SYNE2: variants seen among roughly 807,000 people sequenced by gnomAD.
SYNE2 encodes nesprin-2.
In SYNE2, 431 loss-of-function variants were observed where a neutral mutation model predicts 856.3. That is an observed-to-expected ratio of 0.50 (90% CI 0.47 to 0.55). The LOEUF (loss-of-function observed/expected upper bound fraction) is 0.55. Among genes scored for constraint, SYNE2 ranks in the 20% least tolerant of loss-of-function variants. The probability of loss-of-function intolerance (pLI) is 0.00; values close to 1 mark genes in which losing one functional copy is unlikely to be tolerated. For synonymous variants in SYNE2, 2,923 were observed against 2,872.3 expected (o/e 1.02, Z -0.56); for missense variants, 8,129 against 8,023.2 (o/e 1.01, Z -0.50).
chr14:64,155,781 A>C (rs143992131), intron 85 of SYNE2, among the ~76,000 whole-genome samples: 23 of 152,326 alleles, frequency 1.5e-4, no homozygotes, highest in African/African-American at 5.1e-4. Context: ...AAATAAAGTT[A>C]GCCGGATGTG....
chr14:64,202,895 C>T lies in SYNE2; in HGVS notation c.18133C>T (p.Leu6045Phe), dbSNP rs762391192. ...RTWLARIESE[L>F]SKPVVYDVCD... The stretch of plus-strand genomic sequence containing the variant: ...CTGGTTGGCTCGAATTGAGTCTGAG[C>T]TTTCCAAGCCTGTTGTTTATGATGT... Residue 6045 changes from leucine (L) to phenylalanine (F), a missense_variant, in exon 100 of 116, where the codon CTT (leucine) becomes TTT (phenylalanine). This residue lies in a region of SYNE2 where 5,410 missense variants were observed against 5,284.8 expected (regional missense o/e 1.02). Coordinates refer to ENST00000555002, the MANE Select transcript of SYNE2 (RefSeq NM_182914.3). 1.2e-6 allele frequency: 2 copies of T among 1,614,180 alleles called. No homozygotes were observed. The highest frequency in any genetic ancestry group is 1.7e-5 in the Admixed American group (1 of 60,026).
chr14:64,215,461 A>G, intron 107 of SYNE2, 107 bp downstream of exon 107: 2 of 1,104,978 alleles, frequency 1.8e-6, no homozygotes, highest in Non-Finnish European at 2.8e-6. Context: ...TGTGGACACC[A>G]TGCGCCTTGG....
At chr14:63,912,603 A>G (rs1238635984) in intron 2 of SYNE2, among the ~76,000 whole-genome samples, 1 of 152,226 alleles carries the variant, frequency 6.6e-6, no homozygotes, top group Admixed American at 6.5e-5. Context: ...AGATAGAGAC[A>G]GTAGAATGGC....
chr14:63,940,192 C>A (rs896508962), intron 2 of SYNE2, among the ~76,000 whole-genome samples: 2 of 151,894 alleles, frequency 1.3e-5, no homozygotes, highest in Admixed American at 1.3e-4. Flanking sequence ...ATCTTCCCCC[C>A]TCACAGGTTC....
In SYNE2 at chr14:64,047,312, G is replaced by A. The variant is rs551348318; in HGVS notation, c.7222-688G>A. Reference sequence around the variant, plus strand: ...TGTGTGCTGACTGGTTTGGAATTACGCAAAAAAGGTTAAAGCGAAGACACC... The same window carrying A: ...TGTGTGCTGACTGGTTTGGAATTACACAAAAAAGGTTAAAGCGAAGACACC... On this transcript the variant is annotated intron_variant, in intron 45 of 115. Transcript: ENST00000555002. Among the ~76,000 whole-genome samples, 6 of 152,094 alleles carry A rather than the reference G, an allele frequency of 3.9e-5. No homozygotes were observed. In the East Asian group the frequency reaches 9.7e-4, roughly 25 times the overall value.
chr14:64,113,001 T>G (rs992399088), intron 65 of SYNE2: 4 of 985,270 alleles, frequency 4.1e-6, no homozygotes, highest in Non-Finnish European at 4.8e-6. Context: ...CGCTAAACAC[T>G]GGCCAATTCC....
At chr14:63,831,302 A>G (rs1268227690) in intron 1 of SYNE2, among the ~76,000 whole-genome samples, 1 of 152,146 alleles carries the variant, frequency 6.6e-6, no homozygotes, top group African/African-American at 2.4e-5. Flanking sequence ...CACCTTGACT[A>G]AATATAGAAG....
rs377480048 is a variant in SYNE2, at chr14:64,027,549, T to C, written c.6470T>C (p.Met2157Thr). 40 of 1,612,120 alleles carry C rather than the reference T, an allele frequency of 2.5e-5. No homozygotes were observed. In the African/African-American group the frequency reaches 3.2e-4, roughly 13 times the overall value. ...YLQSKEDLRL[M>T]LIELKKKQEA... is the part of the protein sequence containing the mutation. Reference sequence around the variant, plus strand: ...CAAAGTAAGGAGGATCTGAGATTAATGCTCATAGAACTAAAGAAGAAACAG... The same window carrying C: ...CAAAGTAAGGAGGATCTGAGATTAACGCTCATAGAACTAAAGAAGAAACAG... The change falls in exon 43 of 116, where the codon ATG becomes ACG. Residue 2157 changes from methionine (M) to threonine (T), a missense_variant. By Grantham distance (81) the Met-to-Thr change is moderately conservative (BLOSUM62 -1). Around this residue, in one of 3 missense-constraint regions of SYNE2, gnomAD observed 297 missense variants for 380.9 expected, o/e 0.78. Coordinates refer to ENST00000555002, the MANE Select transcript of SYNE2 (RefSeq NM_182914.3).
rs1360977780 is a variant in SYNE2, at chr14:64,218,429, G to T, written c.19574G>T (p.Gly6525Val). 6.2e-7 allele frequency: 1 copy of T among 1,614,104 alleles called. No homozygotes were observed. Among genetic ancestry groups the T allele is most frequent in the Non-Finnish European group, 8.5e-7 (1 of 1,180,014 alleles). The change falls in exon 109 of 116, where the codon GGT becomes GTT. Residue 6525 changes from glycine (G) to valine (V), a missense_variant. This residue lies in a region of SYNE2 where 5,410 missense variants were observed against 5,284.8 expected (regional missense o/e 1.02). Coordinates refer to ENST00000555002, the MANE Select transcript of SYNE2 (RefSeq NM_182914.3). ...GKLLLPPGTD[G>V]GKEGPRVLNG... ...CTACTATTACCTCCAGGCACGGATGGTGGCAAAGAAGGCCCGCGAGTCCTG... is the reference window on the plus strand; with the variant it reads ...CTACTATTACCTCCAGGCACGGATGTTGGCAAAGAAGGCCCGCGAGTCCTG...
At chr14:64,050,646 C>T (rs1252974760) in intron 47 of SYNE2, among the ~76,000 whole-genome samples, 1 of 152,044 alleles carries the variant, frequency 6.6e-6, no homozygotes, top group Non-Finnish European at 1.5e-5. Context: ...AAAATATATG[C>T]ACTTCTTTTG....
chr14:64,116,147 G>T (rs1191781527), intron 66 of SYNE2, among the ~76,000 whole-genome samples: 2 of 149,872 alleles, frequency 1.3e-5, no homozygotes, highest in East Asian at 4.0e-4. Context: ...TTCCAGCCTG[G>T]GCAAGAGAGT....
intron 1 of SYNE2, among the ~76,000 whole-genome samples, chr14:63,783,813 C>T (rs768582723): frequency 1.3e-5 from 2 of 151,912 alleles, no homozygotes; most frequent in Non-Finnish European, 2.9e-5. Context: ...GGATCCTGGA[C>T]AAGGAAAAAA....
intron 1 of SYNE2, among the ~76,000 whole-genome samples, chr14:63,879,983 A>G (rs1243696837): frequency 6.6e-6 from 1 of 152,186 alleles, no homozygotes; most frequent in Non-Finnish European, 1.5e-5. Flanking sequence ...TTCTCTGGTT[A>G]TGTTTTATTT....
chr14:64,204,245 A>T (rs1269670796), intron 100 of SYNE2: 2 of 152,230 alleles, frequency 1.3e-5, no homozygotes, highest in Admixed American at 1.3e-4. Context: ...TTTAATGGAC[A>T]TTACAGAGAT....
chr14:63,833,057 A>G (rs1226728665), intron 1 of SYNE2, among the ~76,000 whole-genome samples: 1 of 151,556 alleles, frequency 6.6e-6, no homozygotes, highest in Non-Finnish European at 1.5e-5. Context: ...AATAATGCAT[A>G]TATTGGCTGG....
In SYNE2 at chr14:63,955,005, G is replaced by A. The variant is rs1412618746; in HGVS notation, c.787+90G>A. On this transcript the variant is annotated intron_variant, in intron 8 of 115. Transcript: ENST00000555002. ...GTATCTATACATGAATAAACATAGT[G>A]GCACTCTATTTTAGTCCTGGAGGGT... 1.5e-5 allele frequency: 16 copies of A among 1,091,194 alleles called. No individual in the cohort carries two copies. The African/African-American group carries it at 2.3e-4, about 16-fold the overall frequency. The allele number at this position is 1,091,194 out of a possible 1,614,324, so 67.6% of individuals were successfully genotyped here.
Position 64,070,950 on chromosome 14 carries a change from A to G in SYNE2, c.10697+40A>G. The G allele has an allele frequency of 1.9e-6, 3 of 1,608,460 alleles. No homozygotes were observed. The South Asian group carries it at 3.3e-5, about 18-fold the overall frequency. Reference sequence around the variant, plus strand: ...AAACTATTAAGGACGTGTGCTTGACAATTATGGCTCAAAATTTAGAAAATC... The same window carrying G: ...AAACTATTAAGGACGTGTGCTTGACGATTATGGCTCAAAATTTAGAAAATC... On this transcript the variant is annotated intron_variant, in intron 52 of 115. Coordinates refer to ENST00000555002, the MANE Select transcript of SYNE2 (RefSeq NM_182914.3).
At chr14:64,182,087 G>T (rs528026329) in intron 96 of SYNE2, among the ~76,000 whole-genome samples, 9 of 152,272 alleles carry the variant, frequency 5.9e-5, no homozygotes, top group African/African-American at 2.2e-4. Context: ...TTACCCAAAT[G>T]GTAGTACAGA....
chr14:64,138,946 GGT>G (rs150016027), intron 79 of SYNE2, among the ~76,000 whole-genome samples: 6,125 of 137,460 alleles, frequency 0.045, 135 homozygotes, highest in East Asian at 0.12. Context: ...GTGTATGTAT[GGT>G]GTGTGTGTGT....
Sources: gnomAD v4.1 joint callset for allele counts (sites outside exome capture counted in the v4.1 genomes callset) on GRCh38, gnomAD v4.1.1 for gene constraint, gnomAD v4.1.1 regional missense constraint, MANE v1.5 for transcripts, NCBI Gene and HGNC (gene_info 2026-07-23, HGNC 2026-07-21) for gene names.